SGCZ: variants seen among roughly 807,000 people sequenced by gnomAD.
SGCZ encodes the protein zeta-sarcoglycan.
A neutral mutation model predicts 41.3 loss-of-function variants in SGCZ; 40 were observed. That is an observed-to-expected ratio of 0.97 (90% CI 0.75 to 1.26). The LOEUF is 1.26. Among genes scored for constraint, SGCZ ranks in the 50% most tolerant of loss-of-function variants. SGCZ has a pLI of 0.00. For missense variants in SGCZ, 552 were observed against 369.8 expected (o/e 1.49, Z -4.04); for synonymous variants, 206 against 137.5 (o/e 1.50, Z -3.49).
At chr8:14,308,974 T>C in intron 3 of SGCZ, 2 of 723,696 alleles carry the variant, frequency 2.8e-6, no homozygotes, top group Non-Finnish European at 4.7e-6. Context: ...TTTCAGTGTC[T>C]TGAGGATGAA....
In SGCZ at chr8:14,458,442, T is replaced by C. The variant is rs536840901; in HGVS notation, c.234+96290A>G. 1.1e-4 allele frequency among the ~76,000 whole-genome samples: 16 copies of C among 152,232 alleles called. No homozygotes were observed. The South Asian group carries it at 3.3e-3, about 32-fold the overall frequency. On this transcript the variant is annotated intron_variant, in intron 2 of 7. Transcript: ENST00000382080. ...GGTGATGCTGAAACCACATGTATAT[T>C]AGGATTAATCAAATAAGTGAATGTA... is the stretch of plus-strand genomic sequence containing the variant.
chr8:14,254,766 G>A (rs754022650), intron 3 of SGCZ, among the ~76,000 whole-genome samples: 5 of 151,880 alleles, frequency 3.3e-5, no homozygotes, highest in African/African-American at 7.3e-5. Context: ...TTCTGGAGGA[G>A]GAATTTGTGA....
intron 1 of SGCZ, among the ~76,000 whole-genome samples, chr8:14,868,145 T>C (rs1044865913): frequency 6.6e-6 from 1 of 152,110 alleles, no homozygotes; most frequent in Admixed American, 6.6e-5. Context: ...CAGACATTCA[T>C]TGAATATTTT....
At chr8:14,941,895 T>C (rs993524219) in intron 1 of SGCZ, among the ~76,000 whole-genome samples, 2 of 151,708 alleles carry the variant, frequency 1.3e-5, no homozygotes, top group South Asian at 4.2e-4. Flanking sequence ...GTTATATATA[T>C]GGCAAAAGTA....
intron 1 of SGCZ, among the ~76,000 whole-genome samples, chr8:15,028,095 C>A (rs545782522): frequency 6.6e-6 from 1 of 152,108 alleles, no homozygotes; most frequent in East Asian, 1.9e-4. Context: ...TACCTAACAA[C>A]TTTCCTCCAC....
At chr8:14,271,272 G>T (rs368076883) in intron 3 of SGCZ, among the ~76,000 whole-genome samples, 2 of 151,952 alleles carry the variant, frequency 1.3e-5, no homozygotes, top group African/African-American at 2.4e-5. Context: ...TGTGAATCGT[G>T]TTCTTTAGAA....
At chr8:14,808,320 G>T (rs889459383) in intron 1 of SGCZ, among the ~76,000 whole-genome samples, 3 of 151,866 alleles carry the variant, frequency 2.0e-5, no homozygotes, top group Admixed American at 2.0e-4. Flanking sequence ...GAAAATTTTC[G>T]CAACCTACTC....
At chr8:15,033,281 C>A (rs150993982) in intron 1 of SGCZ, among the ~76,000 whole-genome samples, 96 of 152,088 alleles carry the variant, frequency 6.3e-4, no homozygotes, top group African/African-American at 2.1e-3. Context: ...CAGGTCAGCC[C>A]CAGAATAACC....
chr8:15,098,288 T>A (rs1039710248), intron 1 of SGCZ, among the ~76,000 whole-genome samples: 3 of 152,168 alleles, frequency 2.0e-5, no homozygotes, highest in Non-Finnish European at 2.9e-5. Context: ...AATGTGCATA[T>A]TCTTCCTTAC....
intron 2 of SGCZ, among the ~76,000 whole-genome samples, chr8:14,514,521 T>C (rs1051147353): frequency 2.6e-5 from 4 of 151,600 alleles, no homozygotes; most frequent in Non-Finnish European, 5.9e-5. Context: ...GTGAAATCAA[T>C]ATTCTGCTTT....
intron 2 of SGCZ, among the ~76,000 whole-genome samples, chr8:14,497,846 A>G (rs1350872): frequency 0.47 from 72,181 of 151,982 alleles, 17,256 homozygotes; most frequent in Admixed American, 0.54. Context: ...ACACCCAACA[A>G]TAAGACAGTT....
chr8:14,446,573 G>T (rs1200223189), intron 2 of SGCZ, among the ~76,000 whole-genome samples: 1 of 152,086 alleles, frequency 6.6e-6, no homozygotes, highest in East Asian at 1.9e-4. Context: ...AATTTAGAAA[G>T]GCATTTTACT....
chr8:14,885,980 T>C (rs1417453557), intron 1 of SGCZ, among the ~76,000 whole-genome samples: 4 of 109,614 alleles, frequency 3.6e-5, no homozygotes, highest in African/African-American at 1.4e-4. Flanking sequence ...ATAAAGGACT[T>C]TATGTTATAT....
chr8:14,317,804 A>T (rs1801767062), intron 3 of SGCZ, among the ~76,000 whole-genome samples: 1 of 152,000 alleles, frequency 6.6e-6, no homozygotes. Flanking sequence ...CACCAACCTA[A>T]CACAAAGATG....
chr8:14,502,298 A>C (rs1802177752), intron 2 of SGCZ, among the ~76,000 whole-genome samples: 1 of 152,160 alleles, frequency 6.6e-6, no homozygotes, highest in Admixed American at 6.6e-5. Flanking sequence ...TAGATCAATA[A>C]AAATGAAAAA....
chr8:14,167,327 T>G (rs1481684187), intron 4 of SGCZ, among the ~76,000 whole-genome samples: 1 of 152,152 alleles, frequency 6.6e-6, no homozygotes, highest in African/African-American at 2.4e-5. Context: ...CCATTCAATC[T>G]TAATCCACCA....
At chr8:15,140,965 G>A (rs892760704) in intron 1 of SGCZ, among the ~76,000 whole-genome samples, 2 of 152,118 alleles carry the variant, frequency 1.3e-5, no homozygotes, top group African/African-American at 4.8e-5. Context: ...TATATGTCAA[G>A]GATTTATAGC....
chr8:15,137,307 A>G (rs1808146145), intron 1 of SGCZ, among the ~76,000 whole-genome samples: 1 of 152,218 alleles, frequency 6.6e-6, no homozygotes, highest in Admixed American at 6.5e-5. Context: ...GAGCATAAAC[A>G]TTTGGAAAAT....
intron 2 of SGCZ, among the ~76,000 whole-genome samples, chr8:14,505,093 G>C (rs1192050644): frequency 6.6e-6 from 1 of 152,042 alleles, no homozygotes; most frequent in Non-Finnish European, 1.5e-5. Flanking sequence ...CGACTGTAGT[G>C]GGCCGTGATC....
Sources: gnomAD v4.1 joint callset for allele counts (sites outside exome capture counted in the v4.1 genomes callset) on GRCh38, gnomAD v4.1.1 for gene constraint, MANE v1.5 for transcripts, NCBI Gene and HGNC (gene_info 2026-07-23, HGNC 2026-07-21) for gene names.